COL5A2: variants seen among roughly 807,000 people sequenced by gnomAD.
COL5A2 encodes collagen type V alpha 2 chain, also known as collagen alpha-2(V) chain.
In COL5A2, 23 loss-of-function variants were observed where a neutral mutation model predicts 208.2. The observed-to-expected ratio is 0.11, with a 90% CI of 0.08 to 0.16. COL5A2 has a LOEUF of 0.16. COL5A2 is among the 10% of genes least tolerant of loss of function. COL5A2 has a pLI of 1.00. For synonymous variants in COL5A2, 625 were observed against 628.5 expected, an observed-to-expected ratio of 0.99 and a Z score of 0.08; for missense variants, 1,590 against 1,956.4, an observed-to-expected ratio of 0.81 and a Z score of 3.53.
intron 1 of COL5A2, among the ~76,000 whole-genome samples, chr2:189,124,588 T>G (rs563514186): frequency 2.0e-5 from 3 of 152,164 alleles, no homozygotes; most frequent in African/African-American, 7.2e-5. Flanking sequence ...TGAGGAAAAA[T>G]TCAATAAAAT....
At chr2:189,258,516 G>A in the COL5A2 span, among the ~76,000 whole-genome samples, 2 of 152,118 alleles carry the variant, frequency 1.3e-5, no homozygotes, top group East Asian at 3.8e-4. Context: ...AACTAATTCA[G>A]TAAAAAGTGA....
the COL5A2 span, among the ~76,000 whole-genome samples, chr2:189,302,980 A>T: frequency 6.6e-5 from 10 of 152,222 alleles, no homozygotes; most frequent in Non-Finnish European, 1.2e-4. Context: ...TTCTCAACTC[A>T]ATATGAAAAC....
chr2:189,066,471 T>A lies in COL5A2; in HGVS notation c.1482A>T (p.Ile494=), dbSNP rs767473770. Residue 494 remains isoleucine, a synonymous_variant, in exon 23 of 54, where the codon ATA becomes ATT. Coordinates refer to ENST00000374866, the MANE Select transcript of COL5A2 (RefSeq NM_000393.5). The part of the protein sequence containing the change: ...EPGPHGIQGP[I]GPPGEEGKRG... Reference sequence around the variant, plus strand: ...TTTTGCCTTCTTCACCGGGTGGGCCTATCGGACCCTGAATACCATGTGGCC... The same window carrying A: ...TTTTGCCTTCTTCACCGGGTGGGCCAATCGGACCCTGAATACCATGTGGCC... 1 of 1,614,164 alleles carries A rather than the reference T, an allele frequency of 6.2e-7. No individual in the cohort carries two copies. Among genetic ancestry groups the A allele is most frequent in the Non-Finnish European group, 8.5e-7 (1 of 1,180,020 alleles).
chr2:189,266,483 A>G, the COL5A2 span, among the ~76,000 whole-genome samples: 2 of 152,098 alleles, frequency 1.3e-5, no homozygotes. Context: ...GACCCTTAAA[A>G]ACTTTCTGCT....
chr2:189,186,069 A>G (rs1688847734), intron 1 of COL5A2, among the ~76,000 whole-genome samples: 3 of 151,852 alleles, frequency 2.0e-5, no homozygotes, highest in Admixed American at 6.6e-5. Context: ...GGAGTGCAGT[A>G]GCACGATCAC....
the COL5A2 span, among the ~76,000 whole-genome samples, chr2:189,421,121 T>C: frequency 1.3e-5 from 2 of 152,122 alleles, no homozygotes; most frequent in African/African-American, 4.8e-5. Context: ...CAATAAGCAT[T>C]CTATTTCTTG....
intron 1 of COL5A2, among the ~76,000 whole-genome samples, chr2:189,116,968 T>C (rs1687404772): frequency 1.3e-5 from 2 of 152,214 alleles, no homozygotes; most frequent in Admixed American, 1.3e-4. Context: ...TGATAAACTG[T>C]CTGTGAAGGT....
the COL5A2 span, among the ~76,000 whole-genome samples, chr2:189,419,822 G>C: frequency 6.7e-6 from 1 of 149,172 alleles, no homozygotes; most frequent in Non-Finnish European, 1.5e-5. Flanking sequence ...GAAAAGAAAA[G>C]AGAGGAGAGG....
the COL5A2 span, among the ~76,000 whole-genome samples, chr2:189,432,958 G>A: frequency 3.3e-5 from 5 of 152,272 alleles, no homozygotes; most frequent in South Asian, 1.0e-3. Flanking sequence ...AAATGTAAAA[G>A]AACAGAAATC....
At chr2:189,270,451 A>C in the COL5A2 span, among the ~76,000 whole-genome samples, 4 of 152,266 alleles carry the variant, frequency 2.6e-5, no homozygotes, top group South Asian at 8.3e-4. Context: ...GTTTCAAAGA[A>C]CGTATTCGTT....
the COL5A2 span, among the ~76,000 whole-genome samples, chr2:189,317,796 T>C: frequency 6.6e-6 from 1 of 152,156 alleles, no homozygotes; most frequent in South Asian, 2.1e-4. Context: ...GATTGCATTA[T>C]AGGTAAAACT....
At chr2:189,365,559 CA>C in the COL5A2 span, among the ~76,000 whole-genome samples, 2 of 152,194 alleles carry the variant, frequency 1.3e-5, no homozygotes, top group African/African-American at 2.4e-5. Flanking sequence ...TTAATTTGCT[CA>C]TCTGTAAAAT....
chr2:189,415,017 G>C, the COL5A2 span, among the ~76,000 whole-genome samples: 68 of 152,188 alleles, frequency 4.5e-4, 1 homozygote, highest in African/African-American at 1.6e-3. Flanking sequence ...AAGCATTAGT[G>C]AACTATAGTG....
At chr2:189,183,196 T>C (rs1459564315), upstream of COL5A2, among the ~76,000 whole-genome samples, 1 of 152,138 alleles carries the variant, frequency 6.6e-6, no homozygotes, top group Non-Finnish European at 1.5e-5. Context: ...CAAAGATCTT[T>C]CTTCTTTCCC....
Position 189,050,120 on chromosome 2 carries a change from A to C in COL5A2, c.3039+449T>G, listed in dbSNP as rs1170486455. On this transcript the variant is annotated intron_variant, in intron 43 of 53. Transcript: ENST00000374866. ...CTCCAGGGAACAGGAGATTACCTTCAGATCCTTCTTCAGCATTCCCCCTAC... is the reference window on the plus strand; with the variant it reads ...CTCCAGGGAACAGGAGATTACCTTCCGATCCTTCTTCAGCATTCCCCCTAC... Among the ~76,000 whole-genome samples the C allele has an allele frequency of 3.3e-5, 5 of 152,210 alleles. No individual in the cohort carries two copies. In the East Asian group the frequency reaches 7.7e-4, roughly 23 times the overall value.
At chr2:189,091,404 T>C (rs55784828) in intron 7 of COL5A2, among the ~76,000 whole-genome samples, 20,188 of 152,172 alleles carry the variant, frequency 0.13, 1,373 homozygotes, top group Middle Eastern at 0.19. Flanking sequence ...AACTTCATTG[T>C]TGTCTTATTT....
the COL5A2 span, among the ~76,000 whole-genome samples, chr2:189,434,149 T>C: frequency 6.6e-6 from 1 of 152,192 alleles, no homozygotes; most frequent in Non-Finnish European, 1.5e-5. Flanking sequence ...CTAAAAACTC[T>C]CAATAAATTA....
At chr2:189,243,002 A>G in the COL5A2 span, among the ~76,000 whole-genome samples, 2 of 152,286 alleles carry the variant, frequency 1.3e-5, no homozygotes, top group South Asian at 4.1e-4. Context: ...CACTATTTTG[A>G]TGGGTTGGAT....
the COL5A2 span, among the ~76,000 whole-genome samples, chr2:189,287,930 T>C: frequency 3.9e-5 from 6 of 152,200 alleles, no homozygotes; most frequent in African/African-American, 1.4e-4. Context: ...CAAAAACTTA[T>C]GGTTATATTT....
Sources: gnomAD v4.1 joint callset for allele counts (sites outside exome capture counted in the v4.1 genomes callset) on GRCh38, gnomAD v4.1.1 for gene constraint, MANE v1.5 for transcripts, NCBI Gene and HGNC (gene_info 2026-07-23, HGNC 2026-07-21) for gene names.